NRP2: variants seen among roughly 807,000 people sequenced by gnomAD.
NRP2 encodes the protein neuropilin 2.
A neutral mutation model predicts 110.4 loss-of-function variants in NRP2; 52 were observed. The ratio of observed to expected loss-of-function variants is 0.47; its 90% CI spans 0.38 to 0.59. NRP2 has a LOEUF of 0.59. NRP2 is among the 20% of genes least tolerant of loss of function. NRP2 has a pLI of 0.00. For missense variants in NRP2, 1,049 were observed against 1,203.0 expected (o/e 0.87, Z 1.89); for synonymous variants, 508 against 468.9 (o/e 1.08, Z -1.08).
chr2:205,724,815 C>A (rs560641053), intron 5 of NRP2, among the ~76,000 whole-genome samples: 4 of 152,004 alleles, frequency 2.6e-5, no homozygotes, highest in African/African-American at 7.2e-5. Flanking sequence ...TACAGGCATG[C>A]GCCACCATGC....
At chr2:205,772,911 G>A (rs533165204) in intron 15 of NRP2, among the ~76,000 whole-genome samples, 33 of 152,296 alleles carry the variant, frequency 2.2e-4, no homozygotes, top group African/African-American at 7.7e-4. Flanking sequence ...AGCACTTTCT[G>A]AAAATAACTC....
chr2:205,690,894 G>C (rs1355173048), intron 1 of NRP2, among the ~76,000 whole-genome samples: 1 of 152,136 alleles, frequency 6.6e-6, no homozygotes, highest in Non-Finnish European at 1.5e-5. Context: ...TGACCTACTT[G>C]TGACTAGGTA....
At chr2:205,737,835 G>A (rs1011104371) in intron 7 of NRP2, among the ~76,000 whole-genome samples, 7 of 152,206 alleles carry the variant, frequency 4.6e-5, no homozygotes, top group African/African-American at 1.7e-4. Flanking sequence ...CTTCCTGAGT[G>A]GTGCTACTGT....
intron 1 of NRP2, among the ~76,000 whole-genome samples, chr2:205,689,350 G>T (rs1008534399): frequency 6.6e-6 from 1 of 152,138 alleles, no homozygotes; most frequent in Non-Finnish European, 1.5e-5. Context: ...AAATGTGTTT[G>T]GTAACAATAC....
chr2:205,691,065 T>C (rs1033875752), intron 1 of NRP2, among the ~76,000 whole-genome samples: 1 of 152,208 alleles, frequency 6.6e-6, no homozygotes, highest in African/African-American at 2.4e-5. Flanking sequence ...ACCTTTGATG[T>C]TCCTTTGGTC....
intron 3 of NRP2, chr2:205,722,167 TCTCATACACACA>T (rs1362164424): frequency 1.7e-5 from 6 of 346,050 alleles, no homozygotes; most frequent in African/African-American, 1.4e-4. Flanking sequence ...TCTCTCTCTC[TCTCATACACACA>T]CACACACACA....
chr2:205,748,313 G>A, intron 10 of NRP2, among the ~76,000 whole-genome samples: 1 of 152,152 alleles, frequency 6.6e-6, no homozygotes. Flanking sequence ...TAATGGGCTG[G>A]GCTGAGCTGC....
chr2:205,766,601 T>G (rs2057922363), intron 14 of NRP2, among the ~76,000 whole-genome samples, 182 bp from the exon 15 acceptor site: 1 of 152,070 alleles, frequency 6.6e-6, no homozygotes, highest in African/African-American at 2.4e-5. Flanking sequence ...CACCACCCCA[T>G]GATGATGATG....
chr2:205,715,218 C>T (rs1429289041), intron 2 of NRP2, among the ~76,000 whole-genome samples: 1 of 152,162 alleles, frequency 6.6e-6, no homozygotes, highest in African/African-American at 2.4e-5. Context: ...ACTGCCAGAG[C>T]ACATACCGGG....
In NRP2 at chr2:205,697,489, G is replaced by A. The variant is rs2056457477; in HGVS notation, c.74-55G>A. 33 of 1,493,190 alleles carry A rather than the reference G, an allele frequency of 2.2e-5. No homozygotes were observed. In the South Asian group the frequency reaches 3.7e-4, roughly 17 times the overall value. 92.5% of individuals were successfully genotyped at this position (1,493,190 alleles called of 1,614,324 possible). ...ACAGAAGAGAAGGAGGGAGTGTGGGGGGAAGAAAGTTGTAACATATTTGAA... is the reference window on the plus strand; with the variant it reads ...ACAGAAGAGAAGGAGGGAGTGTGGGAGGAAGAAAGTTGTAACATATTTGAA... On this transcript the variant is annotated intron_variant, in intron 1 of 16. Coordinates refer to ENST00000357785, the MANE Select transcript of NRP2 (RefSeq NM_003872.3).
intron 2 of NRP2, chr2:205,701,096 A>C (rs1285693359): frequency 6.1e-6 from 1 of 164,394 alleles, no homozygotes; most frequent in African/African-American, 2.4e-5. Flanking sequence ...CACAAAGTTG[A>C]GTGGTTTTTT....
At chr2:205,704,351 G>A (rs1398226865) in intron 2 of NRP2, among the ~76,000 whole-genome samples, 1 of 152,200 alleles carries the variant, frequency 6.6e-6, no homozygotes, top group African/African-American at 2.4e-5. Context: ...GCTTGTTGAG[G>A]AGAGGCCGTT....
chr2:205,745,099 C>A (rs2057513674), intron 9 of NRP2, among the ~76,000 whole-genome samples: 1 of 152,196 alleles, frequency 6.6e-6, no homozygotes, highest in Admixed American at 6.5e-5. Flanking sequence ...GGCTGGTCCT[C>A]CAAAGCAGCC....
intron 13 of NRP2, among the ~76,000 whole-genome samples, chr2:205,764,766 GGCA>G (rs2057886005): frequency 1.3e-5 from 2 of 152,260 alleles, no homozygotes; most frequent in African/African-American, 4.8e-5. Context: ...GAGGTTGCAA[GGCA>G]TCCTGAGACC....
Position 205,732,775 on chromosome 2 carries a change from T to C in NRP2, c.1146+4729T>C, listed in dbSNP as rs763737093. Among the ~76,000 whole-genome samples the C allele has an allele frequency of 8.5e-5, 13 of 152,346 alleles. No homozygotes were observed. In the South Asian group the frequency reaches 1.2e-3, roughly 15 times the overall value. On this transcript the variant is annotated intron_variant, in intron 7 of 16. Coordinates refer to ENST00000357785, the MANE Select transcript of NRP2 (RefSeq NM_003872.3). ...TTCCCTGCATCTGATGGGGCCTGCA[T>C]TGAGCTGCCTCAGATAAATGTCATC...
chr2:205,781,520 A>C (rs1026118429), intron 15 of NRP2, among the ~76,000 whole-genome samples: 2 of 152,192 alleles, frequency 1.3e-5, no homozygotes, highest in African/African-American at 4.8e-5. Flanking sequence ...GCCCCTCTTC[A>C]CGGCCTCTGC....
At chr2:205,742,379 A>T (rs2057458221) in intron 8 of NRP2, among the ~76,000 whole-genome samples, 1 of 152,242 alleles carries the variant, frequency 6.6e-6, no homozygotes, top group Non-Finnish European at 1.5e-5. Flanking sequence ...CTACTGAGCA[A>T]GATAGATAAT....
intron 2 of NRP2, among the ~76,000 whole-genome samples, chr2:205,706,996 C>T (rs2056692427): frequency 6.6e-6 from 1 of 152,220 alleles, no homozygotes; most frequent in South Asian, 2.1e-4. Context: ...CACACAGCTC[C>T]CATCCTGCTT....
In NRP2 at chr2:205,743,461, C is replaced by A. The variant is rs1205320634; in HGVS notation, c.1550C>A (p.Ala517Asp). Residue 517 changes from alanine (A) to aspartate (D), a missense_variant, in exon 9 of 17, where the codon GCC becomes GAC. Ala to Asp is a moderately radical substitution (Grantham distance 126). Transcript: ENST00000357785. ...RGGDSITAVE[A>D]RAFVRKFKVS... ...GGAGACAGTATCACTGCTGTGGAAG[C>A]CAGAGCATTTGTGCGCAAGTTCAAA... 6.2e-7 allele frequency: 1 copy of A among 1,614,208 alleles called. No homozygotes were observed. Among genetic ancestry groups the A allele is most frequent in the Non-Finnish European group, 8.5e-7 (1 of 1,180,040 alleles).
Sources: allele counts gnomAD v4.1 joint callset (sites outside exome capture counted in the v4.1 genomes callset), GRCh38; gene constraint gnomAD v4.1.1; transcripts MANE v1.5; gene names NCBI Gene and HGNC (gene_info 2026-07-23, HGNC 2026-07-21).